ZNF737: variants seen among roughly 807,000 people sequenced by gnomAD.
ZNF737 encodes the protein zinc finger protein 737.
A neutral mutation model predicts 11.7 loss-of-function variants in ZNF737; 13 were observed. The observed-to-expected ratio is 1.11, with a 90% CI of 0.73 to 1.77. ZNF737 has a LOEUF of 1.77. Among genes scored for constraint, ZNF737 ranks in the 40% most tolerant of loss-of-function variants. ZNF737 has a pLI of 0.00. For missense variants in ZNF737, 636 were observed against 638.0 expected (o/e 1.00, Z 0.03); for synonymous variants, 217 against 216.2 (o/e 1.00, Z -0.03).
chr19:20,533,925 T>C (rs1555753331), downstream of ZNF737, among the ~76,000 whole-genome samples: 1 of 150,076 alleles, frequency 6.7e-6, no homozygotes, highest in East Asian at 2.0e-4. Context: ...GAGTGAATGG[T>C]GGTTCAAAAT....
At position 20,541,201 on chromosome 19, in the gene ZNF737, CATA is replaced by C. The variant is rs1968191223; in HGVS notation, c.*3388_*3390del. On this transcript the variant is annotated 3_prime_UTR_variant, in exon 4 of 4. Transcript: ENST00000427401. ...TTAGTTTTGTTAATCACCTAAATAACATAATTTGTTTTGTTGCAGTAATTGCTT... is the reference window on the plus strand; with the variant it reads ...TTAGTTTTGTTAATCACCTAAATAACATTTGTTTTGTTGCAGTAATTGCTT... 6 of 983,010 alleles carry C rather than the reference CATA, an allele frequency of 6.1e-6. No homozygotes were observed. Among genetic ancestry groups the C allele is most frequent in the South Asian group, 4.7e-5 (1 of 21,220 alleles). The allele number at this position is 983,010 out of a possible 1,614,324, so 60.9% of individuals were successfully genotyped here.
downstream of ZNF737, chr19:20,536,204 A>G (rs538860082): frequency 1.9e-5 from 12 of 643,834 alleles, no homozygotes; most frequent in Non-Finnish European, 1.9e-5. Flanking sequence ...ATAAAGATTA[A>G]TTTTGTTGAT....
downstream of ZNF737, among the ~76,000 whole-genome samples, chr19:20,537,089 C>T (rs8108331): frequency 0.4 from 60,607 of 151,896 alleles, 12,312 homozygotes; most frequent in Admixed American, 0.48. Flanking sequence ...GGTGACATAG[C>T]GAGACTCTGT....
At chr19:20,559,201 G>A (rs782061605) in intron 1 of ZNF737, among the ~76,000 whole-genome samples, 1 of 152,054 alleles carries the variant, frequency 6.6e-6, no homozygotes, top group Non-Finnish European at 1.5e-5. Context: ...AAACTAAAGC[G>A]CTTCTTCACA....
At chr19:20,549,792 C>T (rs1289768704) in intron 3 of ZNF737, among the ~76,000 whole-genome samples, 13 of 151,492 alleles carry the variant, frequency 8.6e-5, no homozygotes, top group South Asian at 2.1e-4. Flanking sequence ...TAGCTGGGGA[C>T]GGTGACACAC....
intron 1 of ZNF737, among the ~76,000 whole-genome samples, chr19:20,563,578 C>T (rs1296692556): frequency 6.6e-6 from 1 of 151,290 alleles, no homozygotes; most frequent in African/African-American, 2.4e-5. Context: ...CTCTGCCTCC[C>T]CGGTTCAAGA....
chr19:20,548,224 A>G (rs1377647762), intron 3 of ZNF737, among the ~76,000 whole-genome samples: 5 of 152,210 alleles, frequency 3.3e-5, no homozygotes, highest in Non-Finnish European at 7.3e-5. Context: ...TGTGTATTGT[A>G]CCAGTATTCA....
downstream of ZNF737, chr19:20,535,949 G>A (rs1271362219): frequency 1.7e-5 from 7 of 419,628 alleles, no homozygotes; most frequent in African/African-American, 1.5e-4. Flanking sequence ...GGTTAAGAGA[G>A]CTTCTTCAGG....
chr19:20,533,232 C>G (rs1474010477), downstream of ZNF737, among the ~76,000 whole-genome samples: 1 of 150,034 alleles, frequency 6.7e-6, no homozygotes, highest in Non-Finnish European at 1.5e-5. Flanking sequence ...GGATGTATAT[C>G]AGAGCATTCC....
intron 3 of ZNF737, among the ~76,000 whole-genome samples, chr19:20,547,431 C>G (rs980129622): frequency 4.1e-5 from 6 of 145,538 alleles, no homozygotes; most frequent in Admixed American, 6.8e-5. Flanking sequence ...AACAATGTGA[C>G]ACTGACACAA....
chr19:20,562,256 C>T (rs1969124914), intron 1 of ZNF737, among the ~76,000 whole-genome samples: 1 of 152,202 alleles, frequency 6.6e-6, no homozygotes, highest in Admixed American at 6.5e-5. Flanking sequence ...TCACTGCAAC[C>T]TCTGCCTTCC....
chr19:20,559,229 C>G (rs1968995228), intron 1 of ZNF737, among the ~76,000 whole-genome samples: 1 of 152,102 alleles, frequency 6.6e-6, no homozygotes, highest in African/African-American at 2.4e-5. Context: ...AAACTATCAA[C>G]AGAGGAAAAA....
intron 2 of ZNF737, among the ~76,000 whole-genome samples, chr19:20,553,013 G>GAAAAAAAAAAA (rs34125607): frequency 1.5e-5 from 2 of 134,112 alleles, no homozygotes; most frequent in Non-Finnish European, 3.4e-5. Flanking sequence ...CTCTGTCCCC[G>GAAAAAAAAAAA]AAAAAAAAAA....
rs1568422171 is a variant in ZNF737 at position 20,539,842 on chromosome 19, T to G, written c.*4750A>C. The G allele has an allele frequency of 1.0e-6, 1 of 985,312 alleles. No individual in the cohort carries two copies. Among genetic ancestry groups the G allele is most frequent in the African/African-American group, 1.7e-5 (1 of 57,244 alleles). The allele number at this position is 985,312 out of a possible 1,614,324, so 61.0% of individuals were successfully genotyped here. A position where few individuals can be genotyped will look rare whatever the true frequency, so the allele number is the denominator to read the frequency against. On this transcript the variant is annotated 3_prime_UTR_variant, in exon 4 of 4. Transcript: ENST00000427401. Reference sequence around the variant, plus strand: ...ACCAGAATGGTGCAGACATGCTGATTGAATTAGAATGAGTTCAGCCTTGTT... The same window carrying G: ...ACCAGAATGGTGCAGACATGCTGATGGAATTAGAATGAGTTCAGCCTTGTT...
chr19:20,537,008 C>T (rs1191841660), downstream of ZNF737, among the ~76,000 whole-genome samples: 14 of 152,100 alleles, frequency 9.2e-5, no homozygotes, highest in East Asian at 2.5e-3. Flanking sequence ...GAGGCTGAGG[C>T]AGGAGAATCG....
At chr19:20,553,902 G>A (rs1052783311) in intron 1 of ZNF737, 67 bp from the exon 2 acceptor site, 8 of 1,564,294 alleles carry the variant, frequency 5.1e-6, no homozygotes, top group Non-Finnish European at 6.1e-6. Flanking sequence ...TTTGACTTAA[G>A]TTCAAATGAG....
chr19:20,532,609 C>T (rs1434818336), downstream of ZNF737, among the ~76,000 whole-genome samples: 1 of 82,262 alleles, frequency 1.2e-5, no homozygotes, highest in Non-Finnish European at 2.1e-5. Context: ...CACCATATTA[C>T]ATTTTTTCAT....
chr19:20,537,976 C>T (rs1002028897), downstream of ZNF737: 2 of 850,840 alleles, frequency 2.4e-6, no homozygotes, highest in South Asian at 5.4e-5. Context: ...TTAGTAAAAG[C>T]TTTTCTGAGG....
In ZNF737 at chr19:20,542,110, T is replaced by TTG; in HGVS notation, c.*2480_*2481dup. 1 of 985,346 alleles carries TTG rather than the reference T, an allele frequency of 1.0e-6. No individual in the cohort carries two copies. Among genetic ancestry groups the TTG allele is most frequent in the Non-Finnish European group, 1.2e-6 (1 of 829,844 alleles). 61.0% of individuals were successfully genotyped at this position (985,346 alleles called of 1,614,324 possible). ...TATGAAATAGTATATTCCTACAATA[T>TTG]TGTACCTACACCCTTGAGTAAAGTG... On this transcript the variant is annotated 3_prime_UTR_variant, in exon 4 of 4. Transcript: ENST00000427401.
Sources: gnomAD v4.1 joint callset for allele counts (sites outside exome capture counted in the v4.1 genomes callset) on GRCh38, gnomAD v4.1.1 for gene constraint, MANE v1.5 for transcripts, NCBI Gene and HGNC (gene_info 2026-07-23, HGNC 2026-07-21) for gene names.